TTN: variants seen among roughly 807,000 people sequenced by gnomAD.
The protein encoded by TTN is titin.
A neutral mutation model predicts 3,223.0 loss-of-function variants in TTN; 1,525 were observed. That is an observed-to-expected ratio of 0.47 (90% CI 0.45 to 0.49). TTN has a LOEUF of 0.49. TTN is among the 20% of genes least tolerant of loss of function. The probability of loss-of-function intolerance (pLI) is 0.00; values close to 1 mark genes in which losing one functional copy is unlikely to be tolerated. For missense variants in TTN, 40,786 were observed against 43,424.0 expected (o/e 0.94, Z 5.40); for synonymous variants, 14,094 against 15,161.0 (o/e 0.93, Z 5.17).
rs1365838674 is a variant in TTN, at chr2:178,631,296, T to A, written c.43752A>T (p.Gly14584=). The change falls in exon 237 of 363, where the codon GGA becomes GGT. Residue 14584 remains glycine (G), a synonymous_variant. Coordinates refer to ENST00000589042, the MANE Select transcript of TTN (RefSeq NM_001267550.2). The part of the protein sequence containing the change: ...SSEAKLTVLE[G]DPYFTGKLQD... ...GAAGTTTTCCTGTAAAATATGGGTC[T>A]CCCTCTGCAAGTAAAGTATAAGTGA... The A allele has an allele frequency of 6.2e-7, 1 of 1,604,840 alleles. No homozygotes were observed. The highest frequency in any genetic ancestry group is 2.2e-5 in the East Asian group (1 of 44,552).
At position 178,612,991 on chromosome 2, in the gene TTN, T is replaced by C. The variant is rs752077667; in HGVS notation, c.49730A>G (p.His16577Arg). ...AGACTCAATCTTTGCACCTCCATCA[T>C]GTTCTGGTTTTGTCCAATTCAACCT... is the stretch of plus-strand genomic sequence containing the variant. ...SVRLNWTKPE[H>R]DGGAKIESYV... Residue 16577 changes from histidine (H) to arginine (R), a missense_variant, in exon 265 of 363, where the codon CAT (histidine) becomes CGT (arginine). Physicochemically the swap from His to Arg is conservative, Grantham distance 29. Coordinates refer to ENST00000589042, the MANE Select transcript of TTN (RefSeq NM_001267550.2). The C allele has an allele frequency of 4.3e-6, 7 of 1,612,676 alleles. No homozygotes were observed. The highest frequency in any genetic ancestry group is 5.9e-6 in the Non-Finnish European group (7 of 1,179,264).
At position 178,601,797 on chromosome 2, in the gene TTN, G is replaced by A. The variant is rs773047398; in HGVS notation, c.55303-10C>T. On this transcript the variant is annotated splice_polypyrimidine_tract_variant and intron_variant, in intron 285 of 362. Coordinates refer to ENST00000589042, the MANE Select transcript of TTN (RefSeq NM_001267550.2). ...TTTCAGCAGTCTCCAGCTGTACAAA[G>A]AAAATAGTAGTCATACATTGAATGA... 1 of 1,600,948 alleles carries A rather than the reference G, an allele frequency of 6.2e-7. No homozygotes were observed. Among genetic ancestry groups the A allele is most frequent in the South Asian group, 1.1e-5 (1 of 87,890 alleles).
intron 326 of TTN, chr2:178,558,864 C>G (rs1165028418): frequency 7.8e-6 from 4 of 513,382 alleles, no homozygotes; most frequent in Non-Finnish European, 1.0e-5. Context: ...GTAAAATGAC[C>G]AGATTAAATG....
chr2:178,717,833 C>A, intron 86 of TTN, 23 bp from the exon 87 acceptor site: 1 of 1,585,424 alleles, frequency 6.3e-7, no homozygotes, highest in Non-Finnish European at 8.6e-7. Context: ...TACAGATAAT[C>A]CTTATTTACA....
intron 295 of TTN, among the ~76,000 whole-genome samples, chr2:178,595,251 A>C (rs1282556924): frequency 6.6e-6 from 1 of 152,008 alleles, no homozygotes; most frequent in Non-Finnish European, 1.5e-5. Context: ...AGCCTCGGTA[A>C]CAGTAAGACT....
intron 109 of TTN, among the ~76,000 whole-genome samples, 163 bp downstream of exon 109, chr2:178,701,877 T>G (rs546008154): frequency 2.0e-5 from 3 of 152,322 alleles, no homozygotes; most frequent in South Asian, 2.1e-4. Flanking sequence ...GGTTTAACAT[T>G]TTATTATTTG....
rs1281379374 is a variant in TTN, at chr2:178,621,562, C to G, written c.45262G>C (p.Val15088Leu). 6.2e-7 allele frequency: 1 copy of G among 1,612,366 alleles called. No homozygotes were observed. Among genetic ancestry groups the G allele is most frequent in the Non-Finnish European group, 8.5e-7 (1 of 1,179,098 alleles). Residue 15088 changes from valine (V) to leucine (L), a missense_variant, in exon 245 of 363, where the codon GTC (valine) becomes CTC (leucine). Coordinates refer to ENST00000589042, the MANE Select transcript of TTN (RefSeq NM_001267550.2). ...ILTEGRKRIL[V>L]IQNAHLEDAG... is the part of the protein sequence containing the mutation. The stretch of plus-strand genomic sequence containing the variant: ...TCCTCAAGGTGAGCGTTCTGAATGA[C>G]CAGGATTCTCTTCCGTCCTTCAGTC...
At position 178,727,218 on chromosome 2, in the gene TTN, A is replaced by T. The variant is rs28626194; in HGVS notation, c.20147T>A (p.Met6716Lys). The T allele has an allele frequency of 1.1e-3, 1,701 of 1,613,246 alleles. 16 individuals carry two copies. In the African/African-American group the frequency reaches 0.021, roughly 20 times the overall value. Reference sequence around the variant, plus strand: ...GACGGCCACTGAGTCAATGAAAGTCATTCTGTACTTATCACTGGCTGGAAG... The same window carrying T: ...GACGGCCACTGAGTCAATGAAAGTCTTTCTGTACTTATCACTGGCTGGAAG... ...HELPASDKYR[M>K]TFIDSVAVIQ... Residue 6716 changes from methionine to lysine, a missense_variant, in exon 69 of 363, where the codon ATG (methionine) becomes AAG (lysine). Transcript: ENST00000589042.
Position 178,633,810 on chromosome 2 carries a change from C to T in TTN, c.42682+7G>A, listed in dbSNP as rs751474651. The T allele has an allele frequency of 1.9e-6, 3 of 1,612,344 alleles. No homozygotes were observed. The highest frequency in any genetic ancestry group is 2.2e-5 in the South Asian group (2 of 90,786). On this transcript the variant is annotated splice_region_variant and intron_variant, in intron 231 of 362. Transcript: ENST00000589042. ...CTGGCTATCTGGTTATACTTGGTTA[C>T]ATTTACCTAAGACCTTCAGCTGTGC...
rs556581025 is a variant in TTN, at chr2:178,565,378, C to T, written c.80754G>A (p.Glu26918=). 1.9e-6 allele frequency: 3 copies of T among 1,613,578 alleles called. No homozygotes were observed. The highest frequency in any genetic ancestry group is 2.5e-6 in the Non-Finnish European group (3 of 1,179,650). Residue 26918 remains glutamate (E), a synonymous_variant, in exon 326 of 363, where the codon GAG becomes GAA. Transcript: ENST00000589042. The stretch of plus-strand genomic sequence containing the variant: ...TTACTCTTGTTGTCTGTTTAAGAGG[C>T]TCACCATCTTTGACCCAAGAAATGT... ...RPNISWVKDG[E]PLKQTTRVNV...
chr2:178,794,380 A>T lies in TTN; in HGVS notation c.1398+19T>A. ...AAGGACGTGGCTCTGCGGGTGCCCC[A>T]TGGCAGCCTCGCACGTACCTGTTCT... On this transcript the variant is annotated intron_variant, in intron 8 of 362. Transcript: ENST00000589042. 6.2e-7 allele frequency: 1 copy of T among 1,613,956 alleles called. No individual in the cohort carries two copies. Among genetic ancestry groups the T allele is most frequent in the Non-Finnish European group, 8.5e-7 (1 of 1,179,938 alleles).
At position 178,530,233 on chromosome 2, in the gene TTN, C is replaced by G; in HGVS notation, c.106374+8G>C. 2 of 1,584,398 alleles carry G rather than the reference C, an allele frequency of 1.3e-6. No homozygotes were observed. The highest frequency in any genetic ancestry group is 2.7e-5 in the African/African-American group (2 of 73,388). ...GATAAAAGAAAGAGACATTTAAGAA[C>G]TGGTTACCTTTCCATCTTTTGTCCA... On this transcript the variant is annotated splice_region_variant and intron_variant, in intron 358 of 362. Transcript: ENST00000589042.
At position 178,652,321 on chromosome 2, in the gene TTN, G is replaced by A. The variant is rs760102795; in HGVS notation, c.39154C>T (p.Pro13052Ser). 6.2e-7 allele frequency: 1 copy of A among 1,613,708 alleles called. No homozygotes were observed. Among genetic ancestry groups the A allele is most frequent in the Non-Finnish European group, 8.5e-7 (1 of 1,179,692 alleles). ...GGAGGCACTGGCACTTTCTTTTCAGGAACAACTTCTTTGGGAGCCTCAGGC... is the reference window on the plus strand; with the variant it reads ...GGAGGCACTGGCACTTTCTTTTCAGAAACAACTTCTTTGGGAGCCTCAGGC... ...KVPEAPKEVV[P>S]EKKVPVPPPK... Residue 13052 changes from proline to serine, a missense_variant, in exon 203 of 363, where the codon CCT becomes TCT. By Grantham distance (74) the Pro-to-Ser change is moderately conservative. Coordinates refer to ENST00000589042, the MANE Select transcript of TTN (RefSeq NM_001267550.2).
In TTN at chr2:178,768,851, T is replaced by C. The variant is rs1574542823; in HGVS notation, c.8985A>G (p.Glu2995=). 20 of 1,614,110 alleles carry C rather than the reference T, an allele frequency of 1.2e-5. No individual in the cohort carries two copies. The highest frequency in any genetic ancestry group is 1.6e-5 in the Non-Finnish European group (19 of 1,179,994). Residue 2995 remains glutamate, a synonymous_variant, in exon 38 of 363, where the codon GAA becomes GAG. Transcript: ENST00000589042. ...TCTTTAACCATTTGTAAGAGATGCC[T>C]TCATAGTTCACTGTCACCTCAAAAG... ...TITFEVTVNY[E]GISYKWLKNG...
intron 47 of TTN, chr2:178,748,053 C>A: frequency 6.2e-7 from 1 of 1,613,000 alleles, no homozygotes; most frequent in Non-Finnish European, 8.5e-7. Context: ...GTGCATTCTT[C>A]TTCCATTTCA....
chr2:178,567,369 C>G lies in TTN; in HGVS notation c.78763G>C (p.Asp26255His). 2 of 1,594,450 alleles carry G rather than the reference C, an allele frequency of 1.3e-6. No individual in the cohort carries two copies. Among genetic ancestry groups the G allele is most frequent in the Non-Finnish European group, 1.7e-6 (2 of 1,172,466 alleles). Residue 26255 changes from aspartate to histidine, a missense_variant, in exon 326 of 363, where the codon GAT (aspartate) becomes CAT (histidine). Transcript: ENST00000589042. ...TDFKALLIVK[D>H]AIRIDGGQYI... ...TGCCCACCATCAATTCTAATTGCAT[C>G]TTTTACAATAAGTAAAGCCTTGAAA...
rs72647894 is a variant in TTN at position 178,767,871 on chromosome 2, C to G, written c.9359G>C (p.Arg3120Pro). ...TGTGTACTTCCCAGCATCAGACATC[C>G]GGGTGGATGGGATCAGAAGGCGGTG... The part of the protein sequence containing the change: ...YVHRLLIPST[R>P]MSDAGKYTVV... Residue 3120 changes from arginine (R) to proline (P), a missense_variant, in exon 40 of 363, where the codon CGG becomes CCG. Transcript: ENST00000589042. 6.2e-7 allele frequency: 1 copy of G among 1,614,074 alleles called. No individual in the cohort carries two copies. Among genetic ancestry groups the G allele is most frequent in the Non-Finnish European group, 8.5e-7 (1 of 1,180,004 alleles).
In TTN at chr2:178,639,718, T is replaced by C. The variant is rs1374677993; in HGVS notation, c.40857A>G (p.Pro13619=). 5 of 1,611,708 alleles carry C rather than the reference T, an allele frequency of 3.1e-6. No individual in the cohort carries two copies. In the South Asian group the frequency reaches 5.5e-5, roughly 18 times the overall value. ...PTPIAAPVTV[P]VVGKKAEAKA... is the part of the protein sequence containing the mutation. ...AAATACCTGCTTTCTTTCCAACCAC[T>C]GGCACTGTTACTGGGGCAGCGATGG... Residue 13619 remains proline (P), a synonymous_variant, in exon 223 of 363, where the codon CCA becomes CCG. Transcript: ENST00000589042.
At chr2:178,622,052 TCA>T in intron 243 of TTN, 44 bp from the exon 244 acceptor site, 3 of 1,534,162 alleles carry the variant, frequency 2.0e-6, no homozygotes, top group Non-Finnish European at 2.7e-6. Flanking sequence ...TGTTGTTCCT[TCA>T]CACAGGTGTC....
Sources: gnomAD v4.1 joint callset for allele counts (sites outside exome capture counted in the v4.1 genomes callset) on GRCh38, gnomAD v4.1.1 for gene constraint, MANE v1.5 for transcripts, NCBI Gene and HGNC (gene_info 2026-07-23, HGNC 2026-07-21) for gene names.